PLEKHG7: variants seen among roughly 807,000 people sequenced by gnomAD.
PLEKHG7 encodes the protein pleckstrin homology and RhoGEF domain containing G7.
In PLEKHG7, 77 loss-of-function variants were observed where a neutral mutation model predicts 85.2. The observed-to-expected ratio is 0.90, with a 90% CI of 0.75 to 1.09. PLEKHG7 has a LOEUF of 1.09. Ranked by LOEUF, PLEKHG7 falls within the 50% of genes least tolerant of loss-of-function variation. PLEKHG7 has a pLI of 0.00. For synonymous variants in PLEKHG7, 301 were observed against 302.4 expected, an observed-to-expected ratio of 1.00 and a Z score of 0.05; for missense variants, 777 against 804.3, an observed-to-expected ratio of 0.97 and a Z score of 0.41.
In PLEKHG7 at chr12:92,746,464, G is replaced by A. The variant is rs140828811; in HGVS notation, c.1251+873G>A. ...AAAAGGGGAATAATCTTAGGGAAGA[G>A]ACTTGGCCATATTTTTGTAGCTTCA... On this transcript the variant is annotated intron_variant, in intron 10 of 16. Transcript: ENST00000344636. Among the ~76,000 whole-genome samples, 857 of 152,332 alleles carry A rather than the reference G, an allele frequency of 5.6e-3. 8 individuals are homozygous for A. The highest frequency in any genetic ancestry group is 0.019 in the African/African-American group (791 of 41,572).
intron 11 of PLEKHG7, among the ~76,000 whole-genome samples, chr12:92,755,273 T>C (rs1366419447): frequency 1.3e-5 from 2 of 152,210 alleles, no homozygotes; most frequent in Admixed American, 6.5e-5. Context: ...ACTAACAATG[T>C]GATTCTTCAG....
chr12:92,748,538 G>A (rs1481130058), intron 10 of PLEKHG7, among the ~76,000 whole-genome samples: 1 of 151,894 alleles, frequency 6.6e-6, no homozygotes, highest in Admixed American at 6.6e-5. Context: ...GTGAGCCACC[G>A]CACCCAGCTC....
intron 10 of PLEKHG7, 22 bp from the exon 11 acceptor site, chr12:92,754,068 T>TCTGAA: frequency 6.2e-7 from 1 of 1,608,320 alleles, no homozygotes; most frequent in Non-Finnish European, 8.5e-7. Flanking sequence ...CATTCTGATA[T>TCTGAA]GGCTGCTTTT....
chr12:92,759,736 G>C (rs1872932590), intron 13 of PLEKHG7, among the ~76,000 whole-genome samples: 1 of 152,150 alleles, frequency 6.6e-6, no homozygotes, highest in Non-Finnish European at 1.5e-5. Flanking sequence ...CCAGGCTCCA[G>C]AACTGTGAGA....
chr12:92,715,917 ACTAT>A (rs1871473793), intron 3 of PLEKHG7, among the ~76,000 whole-genome samples: 1 of 152,176 alleles, frequency 6.6e-6, no homozygotes, highest in Admixed American at 6.6e-5. Context: ...TAAAATGTTT[ACTAT>A]CTGTCTCTTT....
intron 13 of PLEKHG7, among the ~76,000 whole-genome samples, chr12:92,757,009 A>G (rs933069544): frequency 5.9e-5 from 9 of 152,146 alleles, no homozygotes; most frequent in Non-Finnish European, 1.0e-4. Flanking sequence ...GAAGGACAGG[A>G]GGGAGGTCAT....
intron 3 of PLEKHG7, among the ~76,000 whole-genome samples, chr12:92,715,240 A>G (rs1194456084): frequency 6.6e-6 from 1 of 152,098 alleles, no homozygotes; most frequent in Non-Finnish European, 1.5e-5. Flanking sequence ...AGGCTAAGCC[A>G]ATCTCAGATC....
chr12:92,707,068 A>G lies in PLEKHG7; in HGVS notation c.437A>G (p.His146Arg). The change falls in exon 2 of 17, where the codon CAC becomes CGC. Residue 146 changes from histidine (H) to arginine (R), a missense_variant. Physicochemically the swap from His to Arg is conservative, Grantham distance 29. This residue lies in a region of PLEKHG7 where 252 missense variants were observed against 241.9 expected (regional missense o/e 1.04). Coordinates refer to ENST00000344636, the MANE Select transcript of PLEKHG7 (RefSeq NM_001377329.1). ...CAGCCTGTCAATGAAGGGTCCCTTC[A>G]CCAGGCCTCTCTTCGGCAGCAAGAA... ...ELQPVNEGSLHQASLRQQEGH... is the reference protein window; with the variant it reads ...ELQPVNEGSLRQASLRQQEGH... 6.2e-7 allele frequency: 1 copy of G among 1,613,950 alleles called. No homozygotes were observed. Among genetic ancestry groups the G allele is most frequent in the Non-Finnish European group, 8.5e-7 (1 of 1,179,992 alleles).
chr12:92,726,549 G>T (rs1452494631), intron 3 of PLEKHG7, among the ~76,000 whole-genome samples: 1 of 152,168 alleles, frequency 6.6e-6, no homozygotes, highest in African/African-American at 2.4e-5. Flanking sequence ...GAACAATTCT[G>T]ATGAGAAAAC....
intron 3 of PLEKHG7, among the ~76,000 whole-genome samples, chr12:92,724,436 A>G (rs1871738844): frequency 1.3e-5 from 2 of 152,204 alleles, no homozygotes; most frequent in South Asian, 2.1e-4. Flanking sequence ...AGAAAAAGTC[A>G]AACAGGACCG....
chr12:92,733,778 C>A (rs1872060011), intron 5 of PLEKHG7, among the ~76,000 whole-genome samples: 1 of 152,194 alleles, frequency 6.6e-6, no homozygotes, highest in South Asian at 2.1e-4. Context: ...AAGGAAGGGA[C>A]ACTACTACAA....
intron 11 of PLEKHG7, among the ~76,000 whole-genome samples, chr12:92,755,295 G>A (rs1351551657): frequency 6.6e-6 from 1 of 152,080 alleles, no homozygotes. Context: ...TCTCTTACTT[G>A]CCCTCCATGT....
At chr12:92,721,537 T>A (rs1270442568) in intron 3 of PLEKHG7, 1 of 1,188,470 alleles carries the variant, frequency 8.4e-7, no homozygotes, top group South Asian at 4.3e-5. Context: ...AGTGAAAGAG[T>A]GGCTATATTG....
intron 1 of PLEKHG7, among the ~76,000 whole-genome samples, chr12:92,704,469 A>C (rs1483552356): frequency 1.3e-5 from 2 of 152,120 alleles, no homozygotes; most frequent in Non-Finnish European, 2.9e-5. Context: ...CTAAAACCAA[A>C]ACTAGTACAA....
intron 15 of PLEKHG7, 67 bp downstream of exon 15, chr12:92,764,261 TG>T: frequency 7.0e-7 from 1 of 1,435,334 alleles, no homozygotes; most frequent in Non-Finnish European, 9.4e-7. Context: ...TGGCCTTTCT[TG>T]GTAGCAGGTC....
chr12:92,770,102 A>C lies in PLEKHG7; in HGVS notation c.1983A>C (p.Ala661=), dbSNP rs1327421766. ...QTENIKKTWM[A]QITTAISCFT... ...TTTTTCAACAGAAAACATGGATGGC[A>C]CAAATAACAACTGCAATTTCTTGCT... is the stretch of plus-strand genomic sequence containing the variant. The change falls in exon 17 of 17, where the codon GCA becomes GCC. Residue 661 remains alanine (A), a synonymous_variant. Transcript: ENST00000344636. 1 of 1,598,588 alleles carries C rather than the reference A, an allele frequency of 6.3e-7. No individual in the cohort carries two copies. Among genetic ancestry groups the C allele is most frequent in the Non-Finnish European group, 8.5e-7 (1 of 1,174,322 alleles).
intron 16 of PLEKHG7, among the ~76,000 whole-genome samples, 165 bp downstream of exon 16, chr12:92,769,245 CA>C (rs1873323846): frequency 6.6e-6 from 1 of 152,110 alleles, no homozygotes; most frequent in African/African-American, 2.4e-5. Context: ...ATATAATGCT[CA>C]AAAGCCTCAG....
chr12:92,707,874 G>A, intron 3 of PLEKHG7: 7 of 818,264 alleles, frequency 8.6e-6, no homozygotes, highest in Non-Finnish European at 1.3e-5. Context: ...GCATTTGGGG[G>A]CAGGATACAA....
chr12:92,734,108 A>AT (rs1475534688), intron 5 of PLEKHG7, among the ~76,000 whole-genome samples: 3 of 152,324 alleles, frequency 2.0e-5, no homozygotes, highest in African/African-American at 7.2e-5. Context: ...CAAGAACACA[A>AT]TATCTGTTTT....
Sources: allele counts gnomAD v4.1 joint callset (sites outside exome capture counted in the v4.1 genomes callset), GRCh38; gene constraint gnomAD v4.1.1; regional missense constraint gnomAD v4.1.1; transcripts MANE v1.5; gene names NCBI Gene and HGNC (gene_info 2026-07-23, HGNC 2026-07-21).